Variants in CCDC169 observed in about 807,000 individuals in gnomAD.
The protein encoded by CCDC169 is coiled-coil domain containing 169.
CCDC169 carries 30 observed loss-of-function variants against 36.0 expected under a neutral mutation model. That is an observed-to-expected ratio of 0.83 (90% CI 0.62 to 1.13). The LOEUF (loss-of-function observed/expected upper bound fraction) is 1.13. Among genes scored for constraint, CCDC169 ranks in the 50% most tolerant of loss-of-function variants. The pLI, the probability that CCDC169 is intolerant of heterozygous loss-of-function variation, is 0.00. For missense variants in CCDC169, 245 were observed against 245.9 expected, an observed-to-expected ratio of 1.00 and a Z score of 0.03; for synonymous variants, 85 against 81.5, an observed-to-expected ratio of 1.04 and a Z score of -0.23.
chr13:36,240,810 T>C (rs972264790), intron 7 of CCDC169: 2 of 250,132 alleles, frequency 8.0e-6, no homozygotes, highest in Admixed American at 5.3e-5. Flanking sequence ...ATACACACCA[T>C]GGGCGACAGT....
intron 6 of CCDC169, among the ~76,000 whole-genome samples, chr13:36,252,942 A>G (rs987352320): frequency 2.0e-5 from 3 of 152,252 alleles, no homozygotes; most frequent in Non-Finnish European, 4.4e-5. Flanking sequence ...GGTGAATGCT[A>G]TGAAACATTG....
intron 7 of CCDC169, among the ~76,000 whole-genome samples, chr13:36,246,181 C>T (rs986974493): frequency 1.3e-5 from 2 of 152,206 alleles, no homozygotes; most frequent in Admixed American, 6.5e-5. Context: ...GGAAGAGTTG[C>T]ACATCTCTCA....
chr13:36,222,126 T>C (rs9546762), downstream of CCDC169: 61,646 of 151,868 alleles, frequency 0.41, 13,280 homozygotes, highest in Non-Finnish European at 0.48. Flanking sequence ...AAACAGAAAA[T>C]TAGTCAAAAA....
intron 2 of CCDC169, among the ~76,000 whole-genome samples, chr13:36,284,866 C>G (rs1877978080): frequency 6.6e-6 from 1 of 152,150 alleles, no homozygotes. Flanking sequence ...ACAGGTCTCC[C>G]TTACACCCTC....
At chr13:36,295,917 A>T in intron 1 of CCDC169, 60 bp from the exon 2 acceptor site, 2 of 941,616 alleles carry the variant, frequency 2.1e-6, no homozygotes, top group Non-Finnish European at 3.3e-6. Flanking sequence ...CAGAAAAATA[A>T]TACATAGTAA....
Position 36,283,327 on chromosome 13 carries a change from T to C in CCDC169, c.315+142A>G. ...CCTATAGCTACTCAAAAATTATTTG[T>C]TGTCCTTCAAACAGATCCCTTGAAC... On this transcript the variant is annotated intron_variant, in intron 4 of 7. Transcript: ENST00000239859. The C allele has an allele frequency of 5.2e-6, 4 of 769,692 alleles. No homozygotes were observed. The South Asian group carries it at 5.6e-5, about 11-fold the overall frequency. 47.7% of individuals were successfully genotyped at this position (769,692 alleles called of 1,614,324 possible).
intron 7 of CCDC169, among the ~76,000 whole-genome samples, chr13:36,231,706 A>G (rs538117363): frequency 5.9e-5 from 9 of 152,258 alleles, no homozygotes; most frequent in Admixed American, 3.3e-4. Flanking sequence ...GGCCACTTCA[A>G]TTTCCTAAAA....
At position 36,231,151 on chromosome 13, in the gene CCDC169, G is replaced by T. The variant is rs1322357012; in HGVS notation, c.*42C>A. ...ACTTTATAACTTGAATATTATAAATGGAAAAAAAAAGGAAGAAATAGAAAT... is the reference window on the plus strand; with the variant it reads ...ACTTTATAACTTGAATATTATAAATTGAAAAAAAAAGGAAGAAATAGAAAT... On this transcript the variant is annotated 3_prime_UTR_variant, in exon 8 of 8. Coordinates refer to ENST00000239859, the MANE Select transcript of CCDC169 (RefSeq NM_001144981.3). The T allele has an allele frequency of 6.6e-7, 1 of 1,504,346 alleles. No individual in the cohort carries two copies. The highest frequency in any genetic ancestry group is 8.9e-7 in the Non-Finnish European group (1 of 1,123,362). 93.2% of individuals were successfully genotyped at this position (1,504,346 alleles called of 1,614,324 possible).
intron 4 of CCDC169, among the ~76,000 whole-genome samples, chr13:36,269,998 C>A (rs764888492): frequency 6.6e-6 from 1 of 152,232 alleles, no homozygotes. Flanking sequence ...TGTTTTCAGA[C>A]GACATGATCG....
At chr13:36,262,661 C>T (rs1874745070) in intron 4 of CCDC169, among the ~76,000 whole-genome samples, 2 of 152,076 alleles carry the variant, frequency 1.3e-5, no homozygotes, top group African/African-American at 4.8e-5. Context: ...TACTGGATAG[C>T]CCAGCATAGC....
intron 2 of CCDC169, among the ~76,000 whole-genome samples, 166 bp from the exon 3 acceptor site, chr13:36,283,868 G>T (rs1877844797): frequency 1.3e-5 from 2 of 152,214 alleles, no homozygotes; most frequent in South Asian, 4.1e-4. Context: ...CTGTTAGTAA[G>T]ATTTTCCAGA....
intron 7 of CCDC169, among the ~76,000 whole-genome samples, chr13:36,241,327 C>A (rs951785333): frequency 6.6e-6 from 1 of 152,102 alleles, no homozygotes; most frequent in Non-Finnish European, 1.5e-5. Context: ...ACTGATGTAA[C>A]CACAACTTAG....
chr13:36,269,491 T>C (rs560979601), intron 4 of CCDC169, among the ~76,000 whole-genome samples: 1 of 152,230 alleles, frequency 6.6e-6, no homozygotes, highest in Non-Finnish European at 1.5e-5. Context: ...TACAGACCAA[T>C]TTCCCTGATG....
chr13:36,239,506 T>C (rs1871501253), intron 7 of CCDC169, among the ~76,000 whole-genome samples: 1 of 152,184 alleles, frequency 6.6e-6, no homozygotes, highest in African/African-American at 2.4e-5. Context: ...CAAATTATTG[T>C]CATATGTATT....
chr13:36,285,380 C>T (rs563659410), intron 2 of CCDC169, among the ~76,000 whole-genome samples: 2 of 152,072 alleles, frequency 1.3e-5, no homozygotes, highest in South Asian at 2.1e-4. Context: ...GAAACCCCGT[C>T]TCTACTAAAG....
downstream of CCDC169, chr13:36,224,666 T>C (rs1335195949): frequency 1.3e-5 from 2 of 152,116 alleles, no homozygotes; most frequent in Admixed American, 6.5e-5. Context: ...GGTAAAACAT[T>C]CCATATTCAT....
At chr13:36,279,710 C>G (rs1877266318) in intron 4 of CCDC169, among the ~76,000 whole-genome samples, 1 of 152,152 alleles carries the variant, frequency 6.6e-6, no homozygotes, top group Non-Finnish European at 1.5e-5. Flanking sequence ...CAGCTTCTGC[C>G]TGTTTTTGTA....
intron 4 of CCDC169, among the ~76,000 whole-genome samples, chr13:36,279,791 G>A (rs1472146316): frequency 1.3e-5 from 2 of 152,136 alleles, no homozygotes; most frequent in Admixed American, 6.6e-5. Flanking sequence ...TACAGCAGCA[G>A]GGTTGAATAG....
chr13:36,248,143 A>G (rs1872713032), intron 7 of CCDC169, among the ~76,000 whole-genome samples: 1 of 152,210 alleles, frequency 6.6e-6, no homozygotes, highest in African/African-American at 2.4e-5. Context: ...GTTTTTAGAC[A>G]TAATGCTATT....
Sources: gnomAD v4.1 joint callset for allele counts (sites outside exome capture counted in the v4.1 genomes callset) on GRCh38, gnomAD v4.1.1 for gene constraint, MANE v1.5 for transcripts, NCBI Gene and HGNC (gene_info 2026-07-23, HGNC 2026-07-21) for gene names.